Variants in DRG1 observed in about 807,000 individuals in gnomAD.
The protein encoded by DRG1 is developmentally regulated GTP binding protein 1.
Under a neutral mutation model 38.8 loss-of-function variants are expected in DRG1, and 19 were observed. The ratio of observed to expected loss-of-function variants is 0.49; its 90% CI spans 0.34 to 0.72. The LOEUF is 0.72. DRG1 is among the 30% of genes least tolerant of loss of function. The pLI is 0.01. For synonymous variants in DRG1, 167 were observed against 157.5 expected, an observed-to-expected ratio of 1.06 and a Z score of -0.45; for missense variants, 299 against 444.8, an observed-to-expected ratio of 0.67 and a Z score of 2.95.
intron 8 of DRG1, among the ~76,000 whole-genome samples, chr22:31,428,842 A>G (rs1295920080): frequency 6.6e-6 from 1 of 152,142 alleles, no homozygotes; most frequent in Non-Finnish European, 1.5e-5. Flanking sequence ...GTGTTCTCTC[A>G]TGATTGAAAT....
intron 3 of DRG1, 40 bp downstream of exon 3, chr22:31,403,244 T>G: frequency 1.3e-6 from 2 of 1,554,964 alleles, no homozygotes; most frequent in Non-Finnish European, 8.7e-7. Context: ...AAGAAATCTA[T>G]TCTTCATTTA....
intron 8 of DRG1, among the ~76,000 whole-genome samples, chr22:31,432,329 G>C (rs542689341): frequency 1.3e-5 from 2 of 151,714 alleles, no homozygotes; most frequent in Admixed American, 1.3e-4. Context: ...TTCATCTTCA[G>C]GCCTAATTAA....
At chr22:31,403,814 C>T (rs1299054245) in intron 3 of DRG1, among the ~76,000 whole-genome samples, 1 of 151,952 alleles carries the variant, frequency 6.6e-6, no homozygotes, top group Non-Finnish European at 1.5e-5. Context: ...CTTTTTCCAG[C>T]TGGTCAGGTG....
chr22:31,430,141 C>T (rs1177654483), intron 8 of DRG1, among the ~76,000 whole-genome samples: 4 of 152,200 alleles, frequency 2.6e-5, no homozygotes, highest in African/African-American at 4.8e-5. Context: ...TTAGTCACTT[C>T]TCCAAGGAGC....
chr22:31,416,731 C>G (rs539645975), intron 4 of DRG1, among the ~76,000 whole-genome samples: 1 of 151,862 alleles, frequency 6.6e-6, no homozygotes, highest in African/African-American at 2.4e-5. Flanking sequence ...GGTGAAACCG[C>G]GTGTCTATTA....
chr22:31,427,203 G>A, intron 8 of DRG1, 21 bp downstream of exon 8: 1 of 1,611,772 alleles, frequency 6.2e-7, no homozygotes, highest in Non-Finnish European at 8.5e-7. Flanking sequence ...TGGGCCTGTG[G>A]TCCCTCCTTT....
chr22:31,408,454 A>G (rs895047578), intron 3 of DRG1, among the ~76,000 whole-genome samples: 4 of 151,544 alleles, frequency 2.6e-5, no homozygotes, highest in African/African-American at 9.7e-5. Context: ...GAGAATCCCT[A>G]TGAAAAAGCA....
intron 4 of DRG1, among the ~76,000 whole-genome samples, chr22:31,416,429 C>G (rs2050044687): frequency 1.3e-5 from 2 of 152,192 alleles, no homozygotes; most frequent in Admixed American, 6.5e-5. Context: ...CTCTGACCTC[C>G]TTTTCTATCA....
intron 4 of DRG1, among the ~76,000 whole-genome samples, chr22:31,412,443 C>T (rs1487264317): frequency 4.7e-5 from 7 of 149,008 alleles, no homozygotes; most frequent in African/African-American, 1.2e-4. Context: ...CTCCGCCTCC[C>T]GGGCTCATGC....
rs1252514230 is a variant in DRG1 at position 31,402,969 on chromosome 22, T to C, written c.167-60T>C. ...GGCAGTAAAAATGTGAAAGAAGTTATATGAGTCTTAACACTCTGGGGGATA... is the reference window on the plus strand; with the variant it reads ...GGCAGTAAAAATGTGAAAGAAGTTACATGAGTCTTAACACTCTGGGGGATA... On this transcript the variant is annotated intron_variant, in intron 2 of 8. Transcript: ENST00000331457. The C allele has an allele frequency of 7.2e-6, 11 of 1,527,230 alleles. No individual in the cohort carries two copies. In the Admixed American group the frequency reaches 1.4e-4, roughly 20 times the overall value. 94.6% of individuals were successfully genotyped at this position (1,527,230 alleles called of 1,614,324 possible). A position where few individuals can be genotyped will look rare whatever the true frequency, so the allele number is the denominator to read the frequency against.
intron 8 of DRG1, among the ~76,000 whole-genome samples, chr22:31,433,289 T>TTTTTTTGG (rs2050151411): frequency 6.7e-6 from 1 of 149,516 alleles, no homozygotes; most frequent in African/African-American, 2.5e-5. Flanking sequence ...TTTTTTTTTT[T>TTTTTTTGG]GAGGCGGAGT....
At chr22:31,425,204 T>TGCC (rs2050103140) in intron 6 of DRG1, among the ~76,000 whole-genome samples, 5 of 152,254 alleles carry the variant, frequency 3.3e-5, no homozygotes, top group Admixed American at 6.5e-5. Flanking sequence ...AGTTTTTTTC[T>TGCC]TTTACAGCCT....
chr22:31,414,938 A>T (rs1377975776), intron 4 of DRG1, among the ~76,000 whole-genome samples: 1 of 151,704 alleles, frequency 6.6e-6, no homozygotes, highest in Admixed American at 6.6e-5. Flanking sequence ...GTACCATCAT[A>T]CCCGCTAATT....
intron 4 of DRG1, among the ~76,000 whole-genome samples, chr22:31,413,852 G>T (rs948300266): frequency 6.6e-6 from 1 of 151,382 alleles, no homozygotes; most frequent in Admixed American, 6.6e-5. Flanking sequence ...GACCTCAGGT[G>T]ATCCACCCAC....
chr22:31,411,613 T>C (rs941887956), intron 4 of DRG1, among the ~76,000 whole-genome samples: 1 of 147,140 alleles, frequency 6.8e-6, no homozygotes, highest in Non-Finnish European at 1.5e-5. Flanking sequence ...CACTGCAACC[T>C]CTGCCTCCCG....
chr22:31,406,935 C>A (rs2049992596), intron 3 of DRG1, among the ~76,000 whole-genome samples: 1 of 152,138 alleles, frequency 6.6e-6, no homozygotes, highest in Admixed American at 6.6e-5. Flanking sequence ...TGTTTGCCAT[C>A]TGCAGTAGTC....
intron 6 of DRG1, 67 bp from the exon 7 acceptor site, chr22:31,426,548 G>T (rs1258396462): frequency 1.6e-5 from 24 of 1,458,870 alleles, no homozygotes; most frequent in Non-Finnish European, 2.8e-6. Flanking sequence ...AGGGTGTGCT[G>T]TTCAACAGTC....
intron 8 of DRG1, 48 bp from the exon 9 acceptor site, chr22:31,433,824 A>G (rs1045285040): frequency 6.4e-7 from 1 of 1,567,814 alleles, no homozygotes; most frequent in African/African-American, 1.4e-5. Flanking sequence ...AATAGGGCAG[A>G]AGCTAGGTTA....
intron 4 of DRG1, 104 bp from the exon 5 acceptor site, chr22:31,420,152 C>CT: frequency 7.6e-7 from 1 of 1,320,106 alleles, no homozygotes; most frequent in Middle Eastern, 2.7e-4. Context: ...CAGAAAAATC[C>CT]TTTGACACTT....
Sources: gnomAD v4.1 joint callset for allele counts (sites outside exome capture counted in the v4.1 genomes callset) on GRCh38, gnomAD v4.1.1 for gene constraint, MANE v1.5 for transcripts, NCBI Gene and HGNC (gene_info 2026-07-23, HGNC 2026-07-21) for gene names.